The following FARS2 variants were observed in gnomAD, a reference collection of about 807,000 sequenced individuals.
The protein encoded by FARS2 is phenylalanine--tRNA ligase, mitochondrial.
In FARS2, 40 loss-of-function variants were observed where a neutral mutation model predicts 46.4. The ratio of observed to expected loss-of-function variants is 0.86; its 90% CI spans 0.67 to 1.12. The LOEUF is 1.12. Among genes scored for constraint, FARS2 ranks in the 50% most tolerant of loss-of-function variants. The pLI is 0.00. For synonymous variants in FARS2, 234 were observed against 214.9 expected (o/e 1.09, Z -0.78); for missense variants, 513 against 567.9 (o/e 0.90, Z 0.98).
At chr6:5,755,244 G>C (rs1011292957) in intron 6 of FARS2, among the ~76,000 whole-genome samples, 3 of 152,104 alleles carry the variant, frequency 2.0e-5, no homozygotes, top group African/African-American at 7.2e-5. Flanking sequence ...TACATGTGCA[G>C]AACATGCAGT....
At chr6:5,749,667 CT>C (rs1356328206) in intron 6 of FARS2, among the ~76,000 whole-genome samples, 2 of 152,236 alleles carry the variant, frequency 1.3e-5, no homozygotes, top group Non-Finnish European at 2.9e-5. Flanking sequence ...AAACTTCTTC[CT>C]TCTGGCATGT....
chr6:5,705,747 C>T (rs910041538), intron 6 of FARS2, among the ~76,000 whole-genome samples: 5 of 152,178 alleles, frequency 3.3e-5, no homozygotes, highest in African/African-American at 1.2e-4. Context: ...TGAACACCTC[C>T]ATGCACCCAT....
rs764897456 is a variant in FARS2 at position 5,359,029 on chromosome 6, C to CTTTTTTTTTTTTTTTT, written c.-21-9521_-21-9520insTTTTTTTTTTTTTTTT. On this transcript the variant is annotated intron_variant, in intron 1 of 6. Coordinates refer to ENST00000274680, the MANE Select transcript of FARS2 (RefSeq NM_006567.5). ...TCGAATTATAGTGATGAAAAGATAC[C>CTTTTTTTTTTTTTTTT]CTTTTTTTTTTTTTTTTTTTTTTTT... 3.4e-4 allele frequency among the ~76,000 whole-genome samples: 25 copies of CTTTTTTTTTTTTTTTT among 72,534 alleles called. 10 individuals carry two copies. The highest frequency in any genetic ancestry group is 6.3e-4 in the African/African-American group (14 of 22,058). 47.6% of individuals were successfully genotyped at this position (72,534 alleles called of 152,430 possible).
At chr6:5,644,514 G>C (rs936415640) in intron 6 of FARS2, among the ~76,000 whole-genome samples, 1 of 152,068 alleles carries the variant, frequency 6.6e-6, no homozygotes, top group Non-Finnish European at 1.5e-5. Context: ...TGCCTGGCCT[G>C]TTGTTTCCTT....
At chr6:5,618,753 C>T (rs867838066) in intron 6 of FARS2, among the ~76,000 whole-genome samples, 2 of 152,124 alleles carry the variant, frequency 1.3e-5, no homozygotes, top group Non-Finnish European at 2.9e-5. Flanking sequence ...GGCCACTTAA[C>T]GTGCAGAAGA....
intron 3 of FARS2, 45 bp from the exon 4 acceptor site, chr6:5,430,996 A>G: frequency 6.3e-7 from 1 of 1,590,400 alleles, no homozygotes; most frequent in South Asian, 1.1e-5. Flanking sequence ...GAAAGGGCAG[A>G]CAGCTATTTA....
rs1422310796 is a variant in FARS2, at chr6:5,466,637, G to T, written c.904+35465G>T. On this transcript the variant is annotated intron_variant, in intron 4 of 6. Transcript: ENST00000274680. ...GATGGCACCCAGCCATCCACTGAGAGCTCATTCTCAGGCATGCTGGCAAAG... is the reference window on the plus strand; with the variant it reads ...GATGGCACCCAGCCATCCACTGAGATCTCATTCTCAGGCATGCTGGCAAAG... 9.1e-6 allele frequency: 9 copies of T among 985,310 alleles called. No homozygotes were observed. The East Asian group carries it at 4.5e-4, about 50-fold the overall frequency. The allele number at this position is 985,310 out of a possible 1,614,324, so 61.0% of individuals were successfully genotyped here.
chr6:5,572,627 A>T (rs1772722428), intron 5 of FARS2, among the ~76,000 whole-genome samples: 2 of 152,070 alleles, frequency 1.3e-5, no homozygotes, highest in Admixed American at 6.6e-5. Flanking sequence ...AGCCCGTAAC[A>T]AGTAGCCTCA....
intron 3 of FARS2, among the ~76,000 whole-genome samples, chr6:5,420,999 G>T (rs768344526): frequency 2.2e-4 from 33 of 152,274 alleles, no homozygotes; most frequent in Non-Finnish European, 1.0e-4. Flanking sequence ...GGGATTCTGT[G>T]TGGGGGCTCC....
rs547146418 is a variant in FARS2 at position 5,759,753 on chromosome 6, A to G, written c.1218-11538A>G. ...GGGCGAGTGAGGAGAAACACAGGAC[A>G]CACTCGTCAGCTTAGTATAAGGGGA... On this transcript the variant is annotated intron_variant, in intron 6 of 6. Coordinates refer to ENST00000274680, the MANE Select transcript of FARS2 (RefSeq NM_006567.5). 2.0e-5 allele frequency among the ~76,000 whole-genome samples: 3 copies of G among 152,252 alleles called. No homozygotes were observed. In the East Asian group the frequency reaches 5.8e-4, roughly 29 times the overall value.
At chr6:5,289,291 C>G (rs932884053) in intron 1 of FARS2, among the ~76,000 whole-genome samples, 2 of 152,198 alleles carry the variant, frequency 1.3e-5, no homozygotes, top group African/African-American at 4.8e-5. Flanking sequence ...TTTGCCAAAT[C>G]AGGCACTGGT....
chr6:5,508,992 A>G (rs916914653), intron 4 of FARS2, among the ~76,000 whole-genome samples: 3 of 152,234 alleles, frequency 2.0e-5, no homozygotes, highest in African/African-American at 7.2e-5. Flanking sequence ...GCTGGTCTCC[A>G]GTTGATTTTT....
intron 4 of FARS2, among the ~76,000 whole-genome samples, chr6:5,517,599 T>A (rs1768886901): frequency 6.8e-6 from 1 of 147,666 alleles, no homozygotes; most frequent in African/African-American, 2.5e-5. Context: ...GAGACAAGAG[T>A]GAGACTCAGT....
rs116176801 is a variant in FARS2, at chr6:5,541,724, G to A, written c.905-3456G>A. ...GTGAAAAAGAATTCCGGGCAAGTCCGCAGTGTAAAGTGAAAGCAAGTTTAT... is the reference window on the plus strand; with the variant it reads ...GTGAAAAAGAATTCCGGGCAAGTCCACAGTGTAAAGTGAAAGCAAGTTTAT... On this transcript the variant is annotated intron_variant, in intron 4 of 6. Coordinates refer to ENST00000274680, the MANE Select transcript of FARS2 (RefSeq NM_006567.5). 9.7e-3 allele frequency among the ~76,000 whole-genome samples: 1,482 copies of A among 152,214 alleles called. 26 individuals carry two copies. The highest frequency in any genetic ancestry group is 0.034 in the African/African-American group (1,394 of 41,512).
At chr6:5,715,784 G>A (rs6912014) in intron 6 of FARS2, among the ~76,000 whole-genome samples, 145,370 of 152,300 alleles carry the variant, frequency 0.95, 69,425 homozygotes, top group East Asian at 1. Context: ...ACATTTATAT[G>A]TGTTTTTCTG....
intron 1 of FARS2, among the ~76,000 whole-genome samples, chr6:5,342,564 C>A (rs1248475957): frequency 6.6e-6 from 1 of 151,882 alleles, no homozygotes; most frequent in Non-Finnish European, 1.5e-5. Context: ...ACCAGCCTGA[C>A]CAACATGGAA....
At chr6:5,321,058 A>G (rs534701015) in intron 1 of FARS2, among the ~76,000 whole-genome samples, 4 of 152,348 alleles carry the variant, frequency 2.6e-5, no homozygotes, top group African/African-American at 9.6e-5. Context: ...AGGGTTACCA[A>G]TGAGGGCAGG....
chr6:5,302,638 C>T (rs1340122999), intron 1 of FARS2, among the ~76,000 whole-genome samples: 1 of 152,188 alleles, frequency 6.6e-6, no homozygotes, highest in East Asian at 1.9e-4. Flanking sequence ...AGCAAAGTCA[C>T]ATGAACTAAT....
chr6:5,504,437 TAAAAAAAAA>T lies in FARS2; in HGVS notation c.905-40730_905-40722del, dbSNP rs143444280. On this transcript the variant is annotated intron_variant, in intron 4 of 6. Coordinates refer to ENST00000274680, the MANE Select transcript of FARS2 (RefSeq NM_006567.5). ...GGAATGAAATATTTATGCTTTCCAG[TAAAAAAAAA>T]AAAAAAAAAAAAGAATTGAGAACAT... Among the ~76,000 whole-genome samples the T allele has an allele frequency of 3.3e-3, 413 of 126,454 alleles. 3 individuals are homozygous for T. Among genetic ancestry groups the T allele is most frequent in the African/African-American group, 0.012 (399 of 33,902 alleles). The allele number at this position is 126,454 out of a possible 152,430, so 83.0% of individuals were successfully genotyped here.
Sources: gnomAD v4.1 joint callset for allele counts (sites outside exome capture counted in the v4.1 genomes callset) on GRCh38, gnomAD v4.1.1 for gene constraint, MANE v1.5 for transcripts, NCBI Gene and HGNC (gene_info 2026-07-23, HGNC 2026-07-21) for gene names.